DHX57: variants seen among roughly 807,000 people sequenced by gnomAD.
DHX57 encodes the protein DExH-box helicase 57, also known as putative ATP-dependent RNA helicase DHX57.
Under a neutral mutation model 156.2 loss-of-function variants are expected in DHX57, and 105 were observed. That is an observed-to-expected ratio of 0.67 (90% confidence interval 0.57 to 0.79). The LOEUF (loss-of-function observed/expected upper bound fraction) is 0.79. Among genes scored for constraint, DHX57 ranks in the 30% least tolerant of loss-of-function variants. The probability of loss-of-function intolerance (pLI) is 0.00; values close to 1 mark genes in which losing one functional copy is unlikely to be tolerated. For synonymous variants in DHX57, 704 were observed against 595.6 expected, an observed-to-expected ratio of 1.18 and a Z score of -2.65; for missense variants, 1,847 against 1,661.9, an observed-to-expected ratio of 1.11 and a Z score of -1.94.
intron 17 of DHX57, among the ~76,000 whole-genome samples, chr2:38,819,362 G>A (rs898520523): frequency 2.0e-5 from 3 of 152,172 alleles, no homozygotes; most frequent in African/African-American, 7.2e-5. Context: ...TTTCGGTAGA[G>A]ACGGAGTCTC....
At position 38,855,153 on chromosome 2, in the gene DHX57, T is replaced by C; in HGVS notation, c.1809A>G (p.Arg603=). Residue 603 remains arginine (R), a synonymous_variant, in exon 8 of 24, where the codon CGA becomes CGG. Transcript: ENST00000457308. ...VANIICTQPR[R]ISAISVAERV... is the part of the protein sequence containing the mutation. ...GTTCAGCAACAGAGATTGCAGAGAT[T>C]CGTCGGGGTTGGGTACAGATGATGT... 1 of 1,614,176 alleles carries C rather than the reference T, an allele frequency of 6.2e-7. No individual in the cohort carries two copies. The highest frequency in any genetic ancestry group is 1.1e-5 in the South Asian group (1 of 91,080).
chr2:38,824,420 G>A (rs957897113), intron 16 of DHX57, among the ~76,000 whole-genome samples: 13 of 152,134 alleles, frequency 8.5e-5, no homozygotes, highest in African/African-American at 3.1e-4. Context: ...GAGTAAGTTC[G>A]AGAGCTCTGC....
rs139016099 is a variant in DHX57, at chr2:38,806,539, G to A, written c.3816+20C>T. ...CCCCAGGACGACCTGTAAACATTAA[G>A]TATACTCCACCATTCTGACCTGATA... On this transcript the variant is annotated intron_variant, in intron 22 of 23. Transcript: ENST00000457308. 1.7e-4 allele frequency: 281 copies of A among 1,612,252 alleles called. No individual in the cohort carries two copies. The highest frequency in any genetic ancestry group is 1.4e-3 in the East Asian group (62 of 44,822).
At chr2:38,845,914 G>T (rs201800479) in intron 11 of DHX57, among the ~76,000 whole-genome samples, 1 of 149,582 alleles carries the variant, frequency 6.7e-6, no homozygotes, top group Non-Finnish European at 1.5e-5. Flanking sequence ...CGCCCAGGCT[G>T]GAGTGCAATG....
At chr2:38,810,793 A>C (rs1670204910) in intron 21 of DHX57, 5 of 758,662 alleles carry the variant, frequency 6.6e-6, no homozygotes, top group Admixed American at 1.7e-5. Flanking sequence ...CTCAATGTCT[A>C]AATGAGGGTG....
At position 38,854,195 on chromosome 2, in the gene DHX57, C is replaced by A; in HGVS notation, c.1906-17G>T. 1.2e-6 allele frequency: 2 copies of A among 1,604,286 alleles called. No individual in the cohort carries two copies. The highest frequency in any genetic ancestry group is 1.3e-5 in the African/African-American group (1 of 74,412). The stretch of plus-strand genomic sequence containing the variant: ...GGCTGAGGACTTACACATGAAAGGG[C>A]AATATAAATCATTAATAAAATTTTC... On this transcript the variant is annotated splice_polypyrimidine_tract_variant and intron_variant, in intron 8 of 23. Transcript: ENST00000457308.
intron 1 of DHX57, among the ~76,000 whole-genome samples, chr2:38,875,137 A>T (rs996696815): frequency 6.6e-6 from 1 of 152,202 alleles, no homozygotes; most frequent in African/African-American, 2.4e-5. Flanking sequence ...AATGGTGTCC[A>T]ATACCACTCT....
chr2:38,871,272 C>G (rs1558410741), intron 1 of DHX57, among the ~76,000 whole-genome samples: 1 of 152,044 alleles, frequency 6.6e-6, no homozygotes, highest in Non-Finnish European at 1.5e-5. Flanking sequence ...GGCATGTCAC[C>G]TACAAGAAGG....
chr2:38,844,323 T>G (rs1672154974), intron 11 of DHX57, among the ~76,000 whole-genome samples: 1 of 151,328 alleles, frequency 6.6e-6, no homozygotes, highest in Non-Finnish European at 1.5e-5. Flanking sequence ...AAAAGTATTC[T>G]GTGACTTCTA....
At chr2:38,854,603 C>G (rs1205544707) in intron 8 of DHX57, 5 of 157,732 alleles carry the variant, frequency 3.2e-5, no homozygotes, top group Non-Finnish European at 4.1e-5. Context: ...CTCTTTTTGC[C>G]CAGGCTGGAG....
chr2:38,851,681 C>T (rs745430128), intron 9 of DHX57, among the ~76,000 whole-genome samples: 47 of 152,258 alleles, frequency 3.1e-4, no homozygotes, highest in Admixed American at 9.2e-4. Context: ...GTGCTATGTT[C>T]TCATTTCTTC....
At chr2:38,822,392 T>C (rs1670869002) in intron 17 of DHX57, among the ~76,000 whole-genome samples, 1 of 151,380 alleles carries the variant, frequency 6.6e-6, no homozygotes, top group South Asian at 2.1e-4. Flanking sequence ...TAAAGAAGAA[T>C]TAATATTAGT....
chr2:38,821,079 G>C (rs531295336), intron 17 of DHX57, among the ~76,000 whole-genome samples: 7 of 151,890 alleles, frequency 4.6e-5, no homozygotes, highest in Admixed American at 2.6e-4. Context: ...AAAAAATTGC[G>C]AACTCACAAA....
chr2:38,845,637 G>T (rs1406607327), intron 11 of DHX57, among the ~76,000 whole-genome samples: 3 of 152,124 alleles, frequency 2.0e-5, no homozygotes, highest in Non-Finnish European at 1.5e-5. Flanking sequence ...GTAGCCAAGG[G>T]AGAGTTAATA....
intron 22 of DHX57, among the ~76,000 whole-genome samples, chr2:38,804,387 G>A (rs1273881544): frequency 1.3e-5 from 2 of 152,092 alleles, no homozygotes; most frequent in African/African-American, 2.4e-5. Context: ...CTACTCAGGG[G>A]GCTGAGGCAT....
rs747965280 is a variant in DHX57 at position 38,868,443 on chromosome 2, T to C, written c.-6-32A>G. 131 of 1,598,112 alleles carry C rather than the reference T, an allele frequency of 8.2e-5. 2 individuals are homozygous for C. In the East Asian group the frequency reaches 2.9e-3, roughly 35 times the overall value. On this transcript the variant is annotated intron_variant, in intron 1 of 23. Transcript: ENST00000457308. ...GAGAAAAAAATTAATGTAGACATCA[T>C]AAAACCAGACATGTATGATAATCCT...
At chr2:38,853,356 C>T (rs1672712217) in intron 9 of DHX57, 1 of 152,078 alleles carries the variant, frequency 6.6e-6, no homozygotes, top group Admixed American at 6.6e-5. Flanking sequence ...CTCCTGAGCT[C>T]AAGCGATCCT....
At position 38,862,400 on chromosome 2, in the gene DHX57, A is replaced by G. The variant is rs1447337726; in HGVS notation, c.384-67T>C. ...ACTTACTTCAAAGAAAAATTTAGCA[A>G]AGGTCTAAGAATTTAATTCATAGGA... is the stretch of plus-strand genomic sequence containing the variant. On this transcript the variant is annotated intron_variant, in intron 3 of 23. Transcript: ENST00000457308. 4.3e-5 allele frequency: 59 copies of G among 1,384,316 alleles called. No individual in the cohort carries two copies. The South Asian group carries it at 9.7e-4, about 23-fold the overall frequency. 85.8% of individuals were successfully genotyped at this position (1,384,316 alleles called of 1,614,324 possible).
At chr2:38,818,574 G>A (rs897404320) in intron 19 of DHX57, among the ~76,000 whole-genome samples, 1 of 151,886 alleles carries the variant, frequency 6.6e-6, no homozygotes, top group Non-Finnish European at 1.5e-5. Context: ...AAGAATCCCT[G>A]GTGTAATTAC....
Sources: allele counts gnomAD v4.1 joint callset (sites outside exome capture counted in the v4.1 genomes callset), GRCh38; gene constraint gnomAD v4.1.1; transcripts MANE v1.5; gene names NCBI Gene and HGNC (gene_info 2026-07-23, HGNC 2026-07-21).